AGMO: variants seen among roughly 807,000 people sequenced by gnomAD.
AGMO encodes the protein alkylglycerol monooxygenase, also known as glyceryl-ether monooxygenase.
Under a neutral mutation model 60.2 loss-of-function variants are expected in AGMO, and 75 were observed. The ratio of observed to expected loss-of-function variants is 1.25; its 90% CI spans 1.03 to 1.51. The LOEUF is 1.51. Ranked by LOEUF, AGMO falls within the 40% of genes most tolerant of loss-of-function variation. AGMO has a pLI of 0.00. For synonymous variants in AGMO, 261 were observed against 177.1 expected, an observed-to-expected ratio of 1.47 and a Z score of -3.76; for missense variants, 763 against 525.5, an observed-to-expected ratio of 1.45 and a Z score of -4.42.
chr7:15,398,236 G>C (rs1214424761), intron 5 of AGMO, among the ~76,000 whole-genome samples: 1 of 152,146 alleles, frequency 6.6e-6, no homozygotes, highest in Non-Finnish European at 1.5e-5. Context: ...CAAATGGTGA[G>C]TGCATGCAGA....
chr7:15,248,024 C>G (rs956726559), intron 12 of AGMO, among the ~76,000 whole-genome samples: 2 of 150,464 alleles, frequency 1.3e-5, no homozygotes, highest in Admixed American at 6.7e-5. Context: ...AGGAATTAGT[C>G]AAGCAAGCAG....
At chr7:15,356,642 T>C (rs1782539778) in intron 12 of AGMO, among the ~76,000 whole-genome samples, 1 of 152,078 alleles carries the variant, frequency 6.6e-6, no homozygotes, top group Non-Finnish European at 1.5e-5. Context: ...TACAGTGTTA[T>C]TAATACTTGA....
At chr7:15,512,018 A>C (rs1783688868) in intron 3 of AGMO, among the ~76,000 whole-genome samples, 1 of 151,806 alleles carries the variant, frequency 6.6e-6, no homozygotes, top group African/African-American at 2.4e-5. Flanking sequence ...CACACAAAAA[A>C]AAAAAAGAAA....
intron 12 of AGMO, among the ~76,000 whole-genome samples, chr7:15,283,650 T>C (rs1189622909): frequency 6.6e-6 from 1 of 151,836 alleles, no homozygotes; most frequent in Non-Finnish European, 1.5e-5. Flanking sequence ...ACTTCAACAT[T>C]CCACTGACAC....
chr7:15,335,466 G>A (rs1051051022), intron 12 of AGMO, among the ~76,000 whole-genome samples: 3 of 152,136 alleles, frequency 2.0e-5, no homozygotes, highest in East Asian at 1.9e-4. Context: ...TAGAAAGGTC[G>A]ACAACTTTTT....
chr7:15,346,127 A>T (rs151002936), intron 12 of AGMO, among the ~76,000 whole-genome samples: 9 of 152,306 alleles, frequency 5.9e-5, no homozygotes, highest in African/African-American at 1.9e-4. Context: ...TTAAATTCAG[A>T]TAAGTTTTGC....
At chr7:15,554,920 G>C (rs1785082207) in intron 2 of AGMO, among the ~76,000 whole-genome samples, 2 of 151,798 alleles carry the variant, frequency 1.3e-5, no homozygotes, top group Non-Finnish European at 2.9e-5. Context: ...TTTAAGGTAT[G>C]AGATAATTAA....
intron 12 of AGMO, among the ~76,000 whole-genome samples, chr7:15,202,767 T>G (rs936129703): frequency 7.2e-5 from 11 of 152,300 alleles, no homozygotes; most frequent in Admixed American, 7.2e-4. Context: ...TTGATTTTGT[T>G]TCTTTTGACT....
chr7:15,149,839 A>T, the AGMO span, among the ~76,000 whole-genome samples: 1 of 152,120 alleles, frequency 6.6e-6, no homozygotes, highest in African/African-American at 2.4e-5. Flanking sequence ...GTTTTCCTTA[A>T]TTCTGTGAAA....
At chr7:15,485,899 TA>T (rs1295936263) in intron 3 of AGMO, among the ~76,000 whole-genome samples, 1 of 152,186 alleles carries the variant, frequency 6.6e-6, no homozygotes, top group Non-Finnish European at 1.5e-5. Context: ...TAAAATATTC[TA>T]AGGGTTTAGG....
the AGMO span, among the ~76,000 whole-genome samples, chr7:15,146,515 A>ATT: frequency 3.2e-3 from 471 of 145,202 alleles, 1 homozygote; most frequent in East Asian, 0.028. Flanking sequence ...GCAATCAGCT[A>ATT]TTTTTTTTTT....
the AGMO span, among the ~76,000 whole-genome samples, chr7:15,185,444 G>A: frequency 5.9e-3 from 839 of 142,982 alleles, 4 homozygotes; most frequent in Non-Finnish European, 9.2e-3. Context: ...GTTTCTGGTA[G>A]GTAATGAATG....
chr7:15,372,690 T>G (rs747767637), intron 10 of AGMO, among the ~76,000 whole-genome samples: 2 of 152,200 alleles, frequency 1.3e-5, no homozygotes, highest in Non-Finnish European at 2.9e-5. Context: ...TCTCCTGTGT[T>G]TTAAACAATA....
In AGMO at chr7:15,362,924, A is replaced by G. The variant is rs117512015; in HGVS notation, c.1263+2590T>C. ...ATGTACCTTGATCATTAAGAGTTAT[A>G]GTGTCAGACTTCCTGAGTTTGTTCC... On this transcript the variant is annotated intron_variant, in intron 12 of 12. Coordinates refer to ENST00000342526, the MANE Select transcript of AGMO (RefSeq NM_001004320.2). 2.0e-5 allele frequency among the ~76,000 whole-genome samples: 3 copies of G among 152,336 alleles called. No homozygotes were observed. The East Asian group carries it at 5.8e-4, about 29-fold the overall frequency.
chr7:15,480,712 T>C (rs185688315), intron 3 of AGMO, among the ~76,000 whole-genome samples: 3 of 152,272 alleles, frequency 2.0e-5, no homozygotes, highest in Admixed American at 2.0e-4. Context: ...TTTTATAGTT[T>C]GGATCTTATA....
intron 2 of AGMO, among the ~76,000 whole-genome samples, chr7:15,547,671 A>G (rs1416824921): frequency 6.6e-6 from 1 of 151,998 alleles, no homozygotes; most frequent in Non-Finnish European, 1.5e-5. Context: ...TCCTACGCCC[A>G]CGGAGTCTCG....
intron 12 of AGMO, among the ~76,000 whole-genome samples, chr7:15,295,752 G>A (rs1467213946): frequency 1.3e-5 from 2 of 151,994 alleles, no homozygotes; most frequent in Admixed American, 1.3e-4. Flanking sequence ...CTTGACTCAG[G>A]AATTCCAATT....
intron 10 of AGMO, among the ~76,000 whole-genome samples, chr7:15,383,173 T>C (rs761699314): frequency 6.6e-5 from 10 of 152,084 alleles, no homozygotes; most frequent in Non-Finnish European, 5.9e-5. Context: ...TATTTTCACT[T>C]GTGGGGTTCT....
chr7:15,147,176 G>C, the AGMO span, among the ~76,000 whole-genome samples: 3 of 152,036 alleles, frequency 2.0e-5, no homozygotes, highest in Non-Finnish European at 4.4e-5. Context: ...TAGAAGAAGT[G>C]GGAGGGGCAG....
Sources: allele counts gnomAD v4.1 joint callset (sites outside exome capture counted in the v4.1 genomes callset), GRCh38; gene constraint gnomAD v4.1.1; transcripts MANE v1.5; gene names NCBI Gene and HGNC (gene_info 2026-07-23, HGNC 2026-07-21).